STK3: variants seen among roughly 807,000 people sequenced by gnomAD.
STK3 encodes serine/threonine-protein kinase 3.
A neutral mutation model predicts 58.0 loss-of-function variants in STK3; 41 were observed. The ratio of observed to expected loss-of-function variants is 0.71; its 90% CI spans 0.55 to 0.92. The LOEUF (loss-of-function observed/expected upper bound fraction) is 0.92, where lower values mean the gene tolerates loss of function less well. STK3 is among the 40% of genes least tolerant of loss of function. The pLI, the probability that STK3 is intolerant of heterozygous loss-of-function variation, is 0.00. For missense variants in STK3, 479 were observed against 602.7 expected (o/e 0.79, Z 2.15); for synonymous variants, 170 against 191.0 (o/e 0.89, Z 0.91).
rs188627234 is a variant in STK3, at chr8:98,541,236, C to T, written c.1141+6733G>A. Among the ~76,000 whole-genome samples the T allele has an allele frequency of 1.4e-4, 21 of 152,284 alleles. No individual in the cohort carries two copies. The East Asian group carries it at 4.1e-3, about 29-fold the overall frequency. On this transcript the variant is annotated intron_variant, in intron 9 of 10. Coordinates refer to ENST00000419617, the MANE Select transcript of STK3 (RefSeq NM_006281.4). ...TCACGTTGAATTTTAATTCCCAGTG[C>T]TGGAGGGGGGACTGGTGGGAGATGA...
intron 4 of STK3, among the ~76,000 whole-genome samples, chr8:98,745,958 T>G (rs1829616043): frequency 6.6e-6 from 1 of 152,258 alleles, no homozygotes; most frequent in South Asian, 2.1e-4. Flanking sequence ...CCGTACAGAA[T>G]GCTGTAGGCA....
intron 8 of STK3, among the ~76,000 whole-genome samples, chr8:98,572,274 T>C (rs1813027180): frequency 6.6e-6 from 1 of 152,192 alleles, no homozygotes; most frequent in Non-Finnish European, 1.5e-5. Context: ...AGAGTTAAAC[T>C]AGTACTAACT....
rs563164200 is a variant in STK3 at position 98,922,296 on chromosome 8, G to A, written c.-79+20082C>T. Among the ~76,000 whole-genome samples, 63 of 152,296 alleles carry A rather than the reference G, an allele frequency of 4.1e-4. No individual in the cohort carries two copies. The South Asian group carries it at 0.013, about 32-fold the overall frequency. Reference sequence around the variant, plus strand: ...GAGGAAAATGCAACACCTAACTAAGGATTGTAGAGGAGAAATAAAAATATT... The same window carrying A: ...GAGGAAAATGCAACACCTAACTAAGAATTGTAGAGGAGAAATAAAAATATT... On this transcript the variant is annotated intron_variant, in intron 1 of 1. Coordinates refer to the STK3 transcript ENST00000519420.
At chr8:98,775,870 T>C (rs1463296464) in intron 1 of STK3, among the ~76,000 whole-genome samples, 2 of 152,210 alleles carry the variant, frequency 1.3e-5, no homozygotes, top group African/African-American at 2.4e-5. Context: ...CTTAATGGTA[T>C]GGTGCTCATG....
intron 1 of STK3, among the ~76,000 whole-genome samples, chr8:98,920,040 C>G (rs148593668): frequency 6.6e-6 from 1 of 152,278 alleles, no homozygotes; most frequent in East Asian, 1.9e-4. Context: ...CTAATATTTT[C>G]ATGTGTTTGC....
At chr8:98,856,619 G>A (rs1836695632) in intron 3 of STK3, among the ~76,000 whole-genome samples, 1 of 152,138 alleles carries the variant, frequency 6.6e-6, no homozygotes. Context: ...ATGTAAAATG[G>A]CACAACCACT....
intron 6 of STK3, among the ~76,000 whole-genome samples, chr8:98,610,492 AT>A (rs1317391920): frequency 2.0e-5 from 3 of 152,214 alleles, no homozygotes; most frequent in Admixed American, 2.0e-4. Context: ...TTTTCTTTCT[AT>A]TCTATTCCCA....
chr8:98,910,767 G>A (rs1839098948), intron 1 of STK3, among the ~76,000 whole-genome samples: 1 of 152,186 alleles, frequency 6.6e-6, no homozygotes. Flanking sequence ...CTGCCTGTGA[G>A]AATATCCTTC....
chr8:98,811,936 A>G (rs1045095914), intron 1 of STK3, among the ~76,000 whole-genome samples: 2 of 152,180 alleles, frequency 1.3e-5, no homozygotes, highest in Admixed American at 1.3e-4. Flanking sequence ...CAGCCTCCCA[A>G]GTAGCTGGGA....
In STK3 at chr8:98,629,697, C is replaced by A. The variant is rs139728593; in HGVS notation, c.685-33528G>T. Among the ~76,000 whole-genome samples, 1,311 of 152,282 alleles carry A rather than the reference C, an allele frequency of 8.6e-3. 12 individuals carry two copies. The highest frequency in any genetic ancestry group is 0.011 in the Non-Finnish European group (760 of 68,016). The stretch of plus-strand genomic sequence containing the variant: ...TAGTATTAAAAAGACAGAAGCCAAG[C>A]AAATATAACATACAGAAACTGTTTT... On this transcript the variant is annotated intron_variant, in intron 6 of 10. Coordinates refer to ENST00000419617, the MANE Select transcript of STK3 (RefSeq NM_006281.4).
intron 10 of STK3, among the ~76,000 whole-genome samples, chr8:98,513,234 T>A (rs749906461): frequency 1.3e-5 from 2 of 152,164 alleles, no homozygotes; most frequent in African/African-American, 4.8e-5. Context: ...ATCGCCAACC[T>A]TGAGTTTACT....
chr8:98,354,163 A>G, the STK3 span, among the ~76,000 whole-genome samples: 1 of 152,330 alleles, frequency 6.6e-6, no homozygotes, highest in African/African-American at 2.4e-5. Context: ...TACTTTCAAG[A>G]TAAACTTTCC....
intron 3 of STK3, among the ~76,000 whole-genome samples, chr8:98,763,954 C>T (rs534256415): frequency 1.7e-4 from 26 of 152,328 alleles, no homozygotes; most frequent in African/African-American, 6.0e-4. Flanking sequence ...AGATTACAGG[C>T]GTGAGCCACC....
chr8:98,528,280 C>T (rs985053946), intron 9 of STK3, among the ~76,000 whole-genome samples: 3 of 152,090 alleles, frequency 2.0e-5, no homozygotes, highest in African/African-American at 7.2e-5. Context: ...CAGAATCTTT[C>T]AATGGCTCTT....
intron 9 of STK3, among the ~76,000 whole-genome samples, chr8:98,539,998 C>G (rs1350410856): frequency 1.3e-5 from 2 of 152,162 alleles, no homozygotes; most frequent in Non-Finnish European, 2.9e-5. Context: ...AGGTGATCCC[C>G]CTGCCTTGGC....
intron 6 of STK3, among the ~76,000 whole-genome samples, chr8:98,699,770 C>G (rs2131019661): frequency 6.6e-6 from 1 of 152,318 alleles, no homozygotes; most frequent in Non-Finnish European, 1.5e-5. Context: ...CAGTCTGCCC[C>G]TACTTGGGGG....
At chr8:98,494,044 C>T (rs916216299) in intron 10 of STK3, among the ~76,000 whole-genome samples, 4 of 152,164 alleles carry the variant, frequency 2.6e-5, no homozygotes, top group Non-Finnish European at 1.5e-5. Flanking sequence ...TTAATGATTT[C>T]TCTACTTCCA....
At chr8:98,464,539 T>TC (rs1363471521) in intron 10 of STK3, among the ~76,000 whole-genome samples, 1 of 24,438 alleles carries the variant, frequency 4.1e-5, no homozygotes, top group South Asian at 6.5e-4. Context: ...GTACTTAAAG[T>TC]TAAAAAAAAA....
At chr8:98,591,856 T>C (rs922094166) in intron 7 of STK3, among the ~76,000 whole-genome samples, 2 of 152,198 alleles carry the variant, frequency 1.3e-5, no homozygotes, top group African/African-American at 2.4e-5. Flanking sequence ...GAAGATAAAG[T>C]ATAATGTAGT....
Sources: gnomAD v4.1 joint callset for allele counts (sites outside exome capture counted in the v4.1 genomes callset) on GRCh38, gnomAD v4.1.1 for gene constraint, MANE v1.5 for transcripts, NCBI Gene and HGNC (gene_info 2026-07-23, HGNC 2026-07-21) for gene names.